The following FRMD3 variants were observed in gnomAD, a reference collection of about 807,000 sequenced individuals.
FRMD3 encodes FERM domain-containing protein 3.
In FRMD3, 33 loss-of-function variants were observed where a neutral mutation model predicts 70.2. That is an observed-to-expected ratio of 0.47 (90% CI 0.36 to 0.63). The LOEUF (loss-of-function observed/expected upper bound fraction) is 0.63. FRMD3 is among the 20% of genes least tolerant of loss of function. FRMD3 has a pLI of 0.00. For synonymous variants in FRMD3, 279 were observed against 255.9 expected (o/e 1.09, Z -0.86); for missense variants, 632 against 711.4 (o/e 0.89, Z 1.27).
chr9:83,472,766 C>A (rs1564093669), intron 1 of FRMD3, among the ~76,000 whole-genome samples: 1 of 152,024 alleles, frequency 6.6e-6, no homozygotes, highest in Non-Finnish European at 1.5e-5. Context: ...GACTCTGCCA[C>A]CGATGAGAAG....
At chr9:83,273,092 A>G (rs1833662111) in intron 13 of FRMD3, among the ~76,000 whole-genome samples, 1 of 151,924 alleles carries the variant, frequency 6.6e-6, no homozygotes, top group Non-Finnish European at 1.5e-5. Flanking sequence ...CTGGGAAGTG[A>G]GGAGCCCCTC....
chr9:83,484,496 T>C (rs867429733), intron 1 of FRMD3, among the ~76,000 whole-genome samples: 16 of 152,254 alleles, frequency 1.1e-4, no homozygotes, highest in African/African-American at 3.6e-4. Context: ...CGGCTCTCTG[T>C]AACTTCCACC....
chr9:83,248,368 G>A lies in FRMD3; in HGVS notation c.1344C>T (p.Asn448=). The A allele has an allele frequency of 3.1e-6, 5 of 1,614,120 alleles. No individual in the cohort carries two copies. The highest frequency in any genetic ancestry group is 4.2e-6 in the Non-Finnish European group (5 of 1,180,018). Residue 448 remains asparagine (N), a synonymous_variant, in exon 14 of 14, where the codon AAC becomes AAT. Transcript: ENST00000304195. ...EPLTISELVY[N]PSASLLPTPV... ...GGGTGGGGAGCAGGCTGGCACTTGG[G>A]TTGTACACTAGTTCAGAGATGGTTA...
the FRMD3 span, among the ~76,000 whole-genome samples, chr9:83,572,060 C>A: frequency 3.3e-4 from 50 of 152,134 alleles, no homozygotes; most frequent in Admixed American, 2.2e-3. Flanking sequence ...GTACTTATAC[C>A]ACACTTTGAG....
intron 2 of FRMD3, among the ~76,000 whole-genome samples, chr9:83,384,059 G>GT (rs1825439025): frequency 6.6e-6 from 1 of 152,186 alleles, no homozygotes; most frequent in South Asian, 2.1e-4. Flanking sequence ...TATCACGATA[G>GT]TACTGTCTTC....
At chr9:83,491,804 T>C (rs971142354) in intron 1 of FRMD3, among the ~76,000 whole-genome samples, 6 of 152,216 alleles carry the variant, frequency 3.9e-5, no homozygotes, top group South Asian at 2.1e-4. Context: ...TAACTGGGCA[T>C]AGTTGCCTGG....
intron 2 of FRMD3, among the ~76,000 whole-genome samples, chr9:83,373,973 A>G (rs1246959363): frequency 6.6e-6 from 1 of 152,292 alleles, no homozygotes; most frequent in South Asian, 2.1e-4. Flanking sequence ...CCATAATAAG[A>G]GCTGGCATTT....
At chr9:83,433,513 A>G (rs577050602) in intron 1 of FRMD3, among the ~76,000 whole-genome samples, 2 of 152,332 alleles carry the variant, frequency 1.3e-5, no homozygotes, top group Admixed American at 6.5e-5. Flanking sequence ...TCAAGGTGGA[A>G]GTGGGGTGGT....
intron 1 of FRMD3, among the ~76,000 whole-genome samples, chr9:83,523,758 T>C (rs1031688701): frequency 6.6e-6 from 1 of 152,242 alleles, no homozygotes; most frequent in African/African-American, 2.4e-5. Context: ...AATTACTGTA[T>C]AACTTTTCCT....
intron 2 of FRMD3, among the ~76,000 whole-genome samples, chr9:83,374,656 T>C (rs1336301994): frequency 2.0e-5 from 3 of 152,178 alleles, no homozygotes; most frequent in Non-Finnish European, 4.4e-5. Context: ...CTTAGGGCCA[T>C]TGCGAGGATT....
chr9:83,570,530 T>C, the FRMD3 span, among the ~76,000 whole-genome samples: 2 of 152,216 alleles, frequency 1.3e-5, no homozygotes, highest in Non-Finnish European at 2.9e-5. Context: ...CAGGGAGTCA[T>C]ATGCTTGGAT....
the FRMD3 span, among the ~76,000 whole-genome samples, chr9:83,578,277 T>G: frequency 6.6e-6 from 1 of 151,978 alleles, no homozygotes. Context: ...CTAATCCTTC[T>G]CAAATGCTTC....
At chr9:83,557,995 G>A in the FRMD3 span, among the ~76,000 whole-genome samples, 1 of 152,120 alleles carries the variant, frequency 6.6e-6, no homozygotes, top group African/African-American at 2.4e-5. Context: ...AGCTCTTGGG[G>A]TCCATCTGGT....
At chr9:83,555,957 T>C in the FRMD3 span, among the ~76,000 whole-genome samples, 1 of 152,212 alleles carries the variant, frequency 6.6e-6, no homozygotes, top group Non-Finnish European at 1.5e-5. Flanking sequence ...CCTGGCTCCA[T>C]GTTGCTCCCA....
At chr9:83,274,693 T>A (rs532257778) in intron 13 of FRMD3, among the ~76,000 whole-genome samples, 1 of 152,180 alleles carries the variant, frequency 6.6e-6, no homozygotes, top group South Asian at 2.1e-4. Flanking sequence ...TGGAGGCCAG[T>A]GTGTGAGGAA....
chr9:83,335,606 G>A lies in FRMD3; in HGVS notation c.506C>T (p.Pro169Leu), dbSNP rs1042424354. Reference protein sequence around the residue: ...ELGDYDPDEHPENYISEFEIF... With the variant: ...ELGDYDPDEHLENYISEFEIF... The stretch of plus-strand genomic sequence containing the variant: ...CTCAAACTCACTGATGTAATTCTCA[G>A]GATGCTCATCAGGATCGTAATCACC... Residue 169 changes from proline to leucine, a missense_variant, in exon 6 of 14, where the codon CCT becomes CTT. Physicochemically the swap from Pro to Leu is moderately conservative, Grantham distance 98. Transcript: ENST00000304195. 1 of 1,612,854 alleles carries A rather than the reference G, an allele frequency of 6.2e-7. No individual in the cohort carries two copies. The highest frequency in any genetic ancestry group is 8.5e-7 in the Non-Finnish European group (1 of 1,179,012).
intron 1 of FRMD3, among the ~76,000 whole-genome samples, chr9:83,446,988 T>TTTTTGTTTTGTTTTGTTTTG (rs141194581): frequency 1.4e-5 from 2 of 146,856 alleles, no homozygotes; most frequent in African/African-American, 2.5e-5. Context: ...CAGATCAGGG[T>TTTTTGTTTTGTTTTGTTTTG]TTTTGTTTTG....
chr9:83,375,674 A>G (rs552494109), intron 2 of FRMD3, among the ~76,000 whole-genome samples: 1 of 152,356 alleles, frequency 6.6e-6, no homozygotes, highest in East Asian at 1.9e-4. Context: ...TGATGAGAAT[A>G]CATGGGCACA....
intron 13 of FRMD3, among the ~76,000 whole-genome samples, chr9:83,290,366 C>G (rs1452810476): frequency 6.6e-6 from 1 of 151,716 alleles, no homozygotes; most frequent in Non-Finnish European, 1.5e-5. Context: ...TTAGTCTTTT[C>G]ATATATAATT....
Sources: allele counts gnomAD v4.1 joint callset (sites outside exome capture counted in the v4.1 genomes callset), GRCh38; gene constraint gnomAD v4.1.1; transcripts MANE v1.5; gene names NCBI Gene and HGNC (gene_info 2026-07-23, HGNC 2026-07-21).